DOCK9: variants seen among roughly 807,000 people sequenced by gnomAD.
The protein encoded by DOCK9 is dedicator of cytokinesis protein 9.
A neutral mutation model predicts 263.3 loss-of-function variants in DOCK9; 89 were observed. The ratio of observed to expected loss-of-function variants is 0.34; its 90% CI spans 0.28 to 0.40. The LOEUF is 0.40. DOCK9 is among the 10% of genes least tolerant of loss of function. The probability of loss-of-function intolerance (pLI) is 1.00; values close to 1 mark genes in which losing one functional copy is unlikely to be tolerated. For missense variants in DOCK9, 2,140 were observed against 2,603.4 expected (o/e 0.82, Z 3.87); for synonymous variants, 976 against 973.1 (o/e 1.00, Z -0.06).
chr13:98,995,629 C>A (rs1176029321), intron 1 of DOCK9, among the ~76,000 whole-genome samples: 1 of 151,802 alleles, frequency 6.6e-6, no homozygotes, highest in Non-Finnish European at 1.5e-5. Context: ...GCTGGGACTA[C>A]AGGCACCTGC....
chr13:98,884,626 G>A (rs1273257251), intron 21 of DOCK9, among the ~76,000 whole-genome samples: 2 of 152,194 alleles, frequency 1.3e-5, no homozygotes, highest in African/African-American at 4.8e-5. Context: ...ACTTTAAGCT[G>A]GAGGAAAATT....
At chr13:98,849,735 A>T (rs2093506314) in intron 36 of DOCK9, among the ~76,000 whole-genome samples, 1 of 152,242 alleles carries the variant, frequency 6.6e-6, no homozygotes, top group South Asian at 2.1e-4. Context: ...GTTAGGTTCA[A>T]CTTAGAAAAG....
chr13:98,921,915 G>A (rs1191248637), intron 6 of DOCK9, 136 bp downstream of exon 6: 29 of 767,324 alleles, frequency 3.8e-5, no homozygotes, highest in Non-Finnish European at 6.2e-5. Flanking sequence ...GCTATCACCA[G>A]GGGAGCATCC....
intron 1 of DOCK9, among the ~76,000 whole-genome samples, chr13:99,082,456 T>C (rs1411373011): frequency 7.1e-6 from 1 of 140,760 alleles, no homozygotes; most frequent in Non-Finnish European, 1.5e-5. Context: ...GAAGCGGAGG[T>C]TGCAGTGAGC....
In DOCK9 at chr13:98,947,172, G is replaced by T. The variant is rs146842457; in HGVS notation, c.243+8263C>A. 1.6e-3 allele frequency among the ~76,000 whole-genome samples: 247 copies of T among 152,246 alleles called. 2 individuals carry two copies. Among genetic ancestry groups the T allele is most frequent in the African/African-American group, 5.8e-3 (240 of 41,530 alleles). The stretch of plus-strand genomic sequence containing the variant: ...TCCCATGGGACTAGATTTATGTCAT[G>T]ACACTGGTCCTAGTCCCCTGCTTAT... On this transcript the variant is annotated intron_variant, in intron 2 of 52. Transcript: ENST00000682017.
At chr13:98,883,160 G>T in intron 22 of DOCK9, 29 bp from the exon 23 acceptor site, 1 of 1,567,688 alleles carries the variant, frequency 6.4e-7, no homozygotes, top group South Asian at 1.1e-5. Context: ...AAAAGAAGAA[G>T]AAAGTCTATT....
intron 20 of DOCK9, 150 bp from the exon 21 acceptor site, chr13:98,885,242 C>T (rs545245289): frequency 9.1e-7 from 1 of 1,097,354 alleles, no homozygotes; most frequent in Non-Finnish European, 1.3e-6. Flanking sequence ...GTAATCTCTG[C>T]AGAACATTGT....
intron 49 of DOCK9, among the ~76,000 whole-genome samples, chr13:98,802,377 A>T (rs2090211331): frequency 6.6e-6 from 1 of 152,222 alleles, no homozygotes; most frequent in African/African-American, 2.4e-5. Context: ...GCTGCATGAG[A>T]GTCCAAACTG....
rs540279096 is a variant in DOCK9 at position 98,889,827 on chromosome 13, C to T, written c.1710-1116G>A. Reference sequence around the variant, plus strand: ...ATATTACAGAGCCTGGAACTGCATACATCTGGCCAGTGTGGGTGCACAGCT... The same window carrying T: ...ATATTACAGAGCCTGGAACTGCATATATCTGGCCAGTGTGGGTGCACAGCT... On this transcript the variant is annotated intron_variant, in intron 15 of 52. Coordinates refer to ENST00000682017, the MANE Select transcript of DOCK9 (RefSeq NM_001366683.2). 1.2e-4 allele frequency among the ~76,000 whole-genome samples: 19 copies of T among 152,324 alleles called. 1 individual carries two copies. In the South Asian group the frequency reaches 3.3e-3, roughly 27 times the overall value.
chr13:99,021,252 A>G (rs1270335885), intron 1 of DOCK9, among the ~76,000 whole-genome samples: 6 of 152,236 alleles, frequency 3.9e-5, no homozygotes, highest in Non-Finnish European at 7.3e-5. Flanking sequence ...TAATTCTTCT[A>G]AAAATACAAG....
In DOCK9 at chr13:98,794,778, G is replaced by C. The variant is rs371011966; in HGVS notation, c.6157-30C>G. The C allele has an allele frequency of 7.9e-5, 127 of 1,611,856 alleles. No individual in the cohort carries two copies. In the African/African-American group the frequency reaches 1.4e-3, roughly 18 times the overall value. ...AGGACAGAAACACAACGTTACTGAG[G>C]GCAACACAAGGTTACCATATGCAAT... is the stretch of plus-strand genomic sequence containing the variant. On this transcript the variant is annotated intron_variant, in intron 52 of 52. Coordinates refer to ENST00000682017, the MANE Select transcript of DOCK9 (RefSeq NM_001366683.2).
At chr13:98,956,784 T>C (rs1281723522) in intron 1 of DOCK9, among the ~76,000 whole-genome samples, 1 of 152,074 alleles carries the variant, frequency 6.6e-6, no homozygotes, top group East Asian at 1.9e-4. Flanking sequence ...GTCCATTATA[T>C]CAATAGTTAC....
At chr13:98,987,765 C>T (rs1178708388) in intron 1 of DOCK9, among the ~76,000 whole-genome samples, 1 of 152,176 alleles carries the variant, frequency 6.6e-6, no homozygotes, top group Non-Finnish European at 1.5e-5. Flanking sequence ...AGTTACTATG[C>T]TTTGGAGTTA....
Position 98,803,673 on chromosome 13 carries a change from T to C in DOCK9, c.5725+1326A>G, listed in dbSNP as rs140241534. On this transcript the variant is annotated intron_variant, in intron 49 of 52. Transcript: ENST00000682017. ...AAGCTGGTGATTCCCATAAAGTGAT[T>C]CCATCTGGAAGCGCAGTTATTTGGC... Among the ~76,000 whole-genome samples the C allele has an allele frequency of 4.2e-3, 636 of 152,312 alleles. 20 individuals are homozygous for C. The highest frequency in any genetic ancestry group is 6.4e-3 in the East Asian group (33 of 5,188).
At chr13:99,046,277 C>T (rs1004122396) in intron 1 of DOCK9, among the ~76,000 whole-genome samples, 15 of 152,292 alleles carry the variant, frequency 9.8e-5, no homozygotes, top group East Asian at 1.9e-4. Flanking sequence ...GAAGGTGGGA[C>T]GCACACCAAC....
At chr13:98,841,680 G>A (rs1489424690) in intron 38 of DOCK9, among the ~76,000 whole-genome samples, 2 of 150,018 alleles carry the variant, frequency 1.3e-5, no homozygotes, top group Non-Finnish European at 3.0e-5. Context: ...GGAGTGCAGC[G>A]GCATGATCTC....
chr13:98,904,529 G>T, intron 10 of DOCK9, 103 bp downstream of exon 10: 3 of 916,556 alleles, frequency 3.3e-6, no homozygotes, highest in East Asian at 2.7e-5. Flanking sequence ...TATTTTGCTT[G>T]TTTTTCCAAA....
chr13:98,828,693 ATTG>A (rs1260774764), intron 43 of DOCK9, among the ~76,000 whole-genome samples: 1 of 152,202 alleles, frequency 6.6e-6, no homozygotes, highest in Non-Finnish European at 1.5e-5. Flanking sequence ...CTTACAGCCA[ATTG>A]TTTTCTTCAA....
At position 98,986,614 on chromosome 13, in the gene DOCK9, T is replaced by G. The variant is rs376656531; in HGVS notation, c.130-31063A>C. On this transcript the variant is annotated intron_variant, in intron 1 of 32. Transcript: ENST00000427887. ...ATATCCCTTCCATAAAATAATATCA[T>G]CAGCAGCAAAGATGATGTATCCCTT... Among the ~76,000 whole-genome samples, 249 of 152,298 alleles carry G rather than the reference T, an allele frequency of 1.6e-3. 9 individuals are homozygous for G. In the South Asian group the frequency reaches 0.048, roughly 29 times the overall value.
Sources: gnomAD v4.1 joint callset for allele counts (sites outside exome capture counted in the v4.1 genomes callset) on GRCh38, gnomAD v4.1.1 for gene constraint, MANE v1.5 for transcripts, NCBI Gene and HGNC (gene_info 2026-07-23, HGNC 2026-07-21) for gene names.